Variants in INPP5A observed in about 807,000 individuals in gnomAD.
INPP5A encodes the protein inositol polyphosphate-5-phosphatase A, also known as 43 kDa inositol polyphosphate 5-phophatase.
INPP5A carries 14 observed loss-of-function variants against 65.2 expected under a neutral mutation model. The observed-to-expected ratio is 0.21, with a 90% CI of 0.14 to 0.34. The LOEUF (loss-of-function observed/expected upper bound fraction) is 0.34, where lower values mean the gene tolerates loss of function less well. Ranked by LOEUF, INPP5A falls within the 10% of genes least tolerant of loss-of-function variation. The pLI, the probability that INPP5A is intolerant of heterozygous loss-of-function variation, is 1.00. For missense variants in INPP5A, 431 were observed against 545.6 expected, an observed-to-expected ratio of 0.79 and a Z score of 2.09; for synonymous variants, 207 against 208.3, an observed-to-expected ratio of 0.99 and a Z score of 0.05.
intron 11 of INPP5A, among the ~76,000 whole-genome samples, chr10:132,757,406 T>C (rs1051839674): frequency 2.0e-5 from 3 of 152,254 alleles, no homozygotes; most frequent in Admixed American, 6.5e-5. Flanking sequence ...CGTTTAGGTA[T>C]GTTCAGATGC....
chr10:132,657,440 C>A (rs1288810070), intron 4 of INPP5A, among the ~76,000 whole-genome samples: 2 of 152,208 alleles, frequency 1.3e-5, no homozygotes, highest in African/African-American at 4.8e-5. Flanking sequence ...TGAAGTGGGG[C>A]ACAGATGCCC....
intron 9 of INPP5A, among the ~76,000 whole-genome samples, chr10:132,736,056 G>A (rs1454015813): frequency 6.6e-6 from 1 of 152,236 alleles, no homozygotes; most frequent in African/African-American, 2.4e-5. Flanking sequence ...GAGCAGAACT[G>A]AAAAGATACT....
At chr10:132,760,221 G>A (rs1030346261) in intron 11 of INPP5A, among the ~76,000 whole-genome samples, 9 of 152,264 alleles carry the variant, frequency 5.9e-5, no homozygotes, top group Non-Finnish European at 8.8e-5. Context: ...AAAGGCCTAC[G>A]TGGTAAGGCA....
At chr10:132,703,998 C>T (rs374038816) in intron 6 of INPP5A, among the ~76,000 whole-genome samples, 19 of 145,864 alleles carry the variant, frequency 1.3e-4, no homozygotes, top group African/African-American at 2.3e-4. Context: ...CACACACACA[C>T]GCACGGCTTC....
At chr10:132,625,903 G>A (rs1037159118) in intron 2 of INPP5A, among the ~76,000 whole-genome samples, 3 of 151,756 alleles carry the variant, frequency 2.0e-5, no homozygotes, top group African/African-American at 7.3e-5. Flanking sequence ...TACAGTGTTT[G>A]TAAACTTGAG....
At chr10:132,570,053 G>C (rs1224228261) in intron 1 of INPP5A, among the ~76,000 whole-genome samples, 1 of 148,494 alleles carries the variant, frequency 6.7e-6, no homozygotes, top group Non-Finnish European at 1.5e-5. Context: ...ACTCACCTCA[G>C]TCTCCCAAAG....
rs1564974874 is a variant in INPP5A, at chr10:132,708,377, CTGTG to C, written c.527+13_527+16del. On this transcript the variant is annotated intron_variant, in intron 7 of 15. Transcript: ENST00000368594. ...TGCATTGCAGACTGGTACGTGGTGT[CTGTG>C]CTTTGTCAATTTCCATAACGTTTCT... 6 of 1,612,940 alleles carry C rather than the reference CTGTG, an allele frequency of 3.7e-6. No homozygotes were observed. Among genetic ancestry groups the C allele is most frequent in the Middle Eastern group, 1.7e-4 (1 of 6,056 alleles).
chr10:132,586,258 T>C (rs942594460), intron 1 of INPP5A, among the ~76,000 whole-genome samples: 3 of 152,186 alleles, frequency 2.0e-5, no homozygotes, highest in African/African-American at 7.2e-5. Flanking sequence ...CACCTCCGAC[T>C]CTGTTACTGC....
At position 132,667,059 on chromosome 10, in the gene INPP5A, C is replaced by T. The variant is rs551610389; in HGVS notation, c.306+16554C>T. ...GCCGCTTTCCAAGCTGGGGCAGACC[C>T]GCCAGTGTTGAGCAAGAGGGAGGTT... On this transcript the variant is annotated intron_variant, in intron 4 of 15. Transcript: ENST00000368594. Among the ~76,000 whole-genome samples, 18 of 152,280 alleles carry T rather than the reference C, an allele frequency of 1.2e-4. No homozygotes were observed. The South Asian group carries it at 2.5e-3, about 21-fold the overall frequency.
At chr10:132,619,754 G>T (rs1446610726) in intron 2 of INPP5A, among the ~76,000 whole-genome samples, 1 of 152,170 alleles carries the variant, frequency 6.6e-6, no homozygotes, top group Non-Finnish European at 1.5e-5. Context: ...AGTCTCCCAG[G>T]TTCAAATGAT....
chr10:132,719,277 A>G (rs539980869), intron 8 of INPP5A, among the ~76,000 whole-genome samples: 9 of 130,150 alleles, frequency 6.9e-5, no homozygotes, highest in Non-Finnish European at 9.7e-5. Flanking sequence ...AGCTGTCTTC[A>G]GGGTTCTGTG....
chr10:132,715,862 C>T (rs1469395878), intron 8 of INPP5A, among the ~76,000 whole-genome samples: 1 of 152,206 alleles, frequency 6.6e-6, no homozygotes, highest in Non-Finnish European at 1.5e-5. Context: ...TGGCCGAGGT[C>T]ATGTGTCTGT....
At position 132,679,715 on chromosome 10, in the gene INPP5A, G is replaced by T. The variant is rs530197365; in HGVS notation, c.307-10677G>T. ...AAATGAGACAGGAAAATGGGCAAAGGATACAAAGAGTTCACAGAAGAAACT... is the reference window on the plus strand; with the variant it reads ...AAATGAGACAGGAAAATGGGCAAAGTATACAAAGAGTTCACAGAAGAAACT... On this transcript the variant is annotated intron_variant, in intron 4 of 15. Transcript: ENST00000368594. Among the ~76,000 whole-genome samples the T allele has an allele frequency of 9.2e-4, 140 of 152,228 alleles. 1 individual carries two copies. The highest frequency in any genetic ancestry group is 3.3e-3 in the African/African-American group (138 of 41,544).
chr10:132,685,009 AC>A (rs1408930572), intron 4 of INPP5A, among the ~76,000 whole-genome samples: 1 of 152,216 alleles, frequency 6.6e-6, no homozygotes, highest in Admixed American at 6.5e-5. Flanking sequence ...AAGATTAGTT[AC>A]CAACAATATC....
At position 132,750,410 on chromosome 10, in the gene INPP5A, C is replaced by T. The variant is rs1318434869; in HGVS notation, c.903+565C>T. Among the ~76,000 whole-genome samples, 5 of 152,220 alleles carry T rather than the reference C, an allele frequency of 3.3e-5. No homozygotes were observed. In the East Asian group the frequency reaches 7.7e-4, roughly 23 times the overall value. ...GTCAATGGGAATGTGCGGCTCAGGT[C>T]GGTCCACGGAGAGGTGGCCCCTGCC... On this transcript the variant is annotated intron_variant, in intron 11 of 15. Coordinates refer to ENST00000368594, the MANE Select transcript of INPP5A (RefSeq NM_005539.5).
chr10:132,777,782 GGTGA>G lies in INPP5A; in HGVS notation c.1089+4_1089+7del. ...CGTCTGCCAAGGAGCTGGTGCTGCG[GGTGA>G]GTGTGTGCTGCCCCAGCCCTGGGCA... On this transcript the variant is annotated splice_donor_variant and splice_donor_region_variant and intron_variant, in intron 13 of 15. Coordinates refer to ENST00000368594, the MANE Select transcript of INPP5A (RefSeq NM_005539.5). LOFTEE classifies it high-confidence loss of function. 6.2e-7 allele frequency: 1 copy of G among 1,612,802 alleles called. No individual in the cohort carries two copies. Among genetic ancestry groups the G allele is most frequent in the Non-Finnish European group, 8.5e-7 (1 of 1,179,848 alleles).
intron 5 of INPP5A, among the ~76,000 whole-genome samples, chr10:132,696,838 C>T (rs1845352528): frequency 6.6e-6 from 1 of 152,136 alleles, no homozygotes; most frequent in Non-Finnish European, 1.5e-5. Context: ...GGCCACACCA[C>T]AGCACCCAGG....
At chr10:132,591,164 C>T (rs1392611488) in intron 1 of INPP5A, among the ~76,000 whole-genome samples, 2 of 152,138 alleles carry the variant, frequency 1.3e-5, no homozygotes, top group Admixed American at 6.5e-5. Context: ...CTTTCAATTG[C>T]AAGAAGATTA....
chr10:132,776,425 G>T (rs757315886), intron 12 of INPP5A, among the ~76,000 whole-genome samples: 4 of 152,220 alleles, frequency 2.6e-5, no homozygotes, highest in African/African-American at 7.2e-5. Flanking sequence ...GGTCCGGGGG[G>T]CATGGGAGGG....
Sources: allele counts gnomAD v4.1 joint callset (sites outside exome capture counted in the v4.1 genomes callset), GRCh38; gene constraint gnomAD v4.1.1; transcripts MANE v1.5; gene names NCBI Gene and HGNC (gene_info 2026-07-23, HGNC 2026-07-21).